PRPSAP2: variants seen among roughly 807,000 people sequenced by gnomAD.
PRPSAP2 encodes the protein phosphoribosyl pyrophosphate synthase-associated protein 2.
Under a neutral mutation model 40.6 loss-of-function variants are expected in PRPSAP2, and 24 were observed. That is an observed-to-expected ratio of 0.59 (90% CI 0.43 to 0.83). The LOEUF (loss-of-function observed/expected upper bound fraction) is 0.83. Among genes scored for constraint, PRPSAP2 ranks in the 40% least tolerant of loss-of-function variants. The probability of loss-of-function intolerance (pLI) is 0.00; values close to 1 mark genes in which losing one functional copy is unlikely to be tolerated. For missense variants in PRPSAP2, 292 were observed against 465.6 expected, an observed-to-expected ratio of 0.63 and a Z score of 3.43; for synonymous variants, 149 against 164.7, an observed-to-expected ratio of 0.90 and a Z score of 0.73.
chr17:18,885,815 G>A (rs945525307), intron 7 of PRPSAP2, among the ~76,000 whole-genome samples: 2 of 152,128 alleles, frequency 1.3e-5, no homozygotes, highest in African/African-American at 4.8e-5. Context: ...TCGAACTCCT[G>A]ACCTCAGGTG....
intron 9 of PRPSAP2, among the ~76,000 whole-genome samples, chr17:18,919,313 A>C (rs7215146): frequency 0.89 from 135,416 of 152,170 alleles, 60,784 homozygotes; most frequent in Non-Finnish European, 0.94. Context: ...TCAAGATCAA[A>C]CTGACCAAGA....
chr17:18,910,022 A>G (rs943359431), intron 8 of PRPSAP2, among the ~76,000 whole-genome samples: 2 of 152,222 alleles, frequency 1.3e-5, no homozygotes, highest in African/African-American at 4.8e-5. Context: ...AAATGGATAC[A>G]CTGTGATATA....
intron 8 of PRPSAP2, among the ~76,000 whole-genome samples, chr17:18,892,069 C>T (rs1293293700): frequency 6.6e-6 from 1 of 152,170 alleles, no homozygotes; most frequent in African/African-American, 2.4e-5. Flanking sequence ...GTTGGTCAGG[C>T]TGGTCTTAAA....
intron 8 of PRPSAP2, among the ~76,000 whole-genome samples, chr17:18,897,303 C>T (rs950993925): frequency 3.3e-4 from 50 of 152,118 alleles, no homozygotes; most frequent in African/African-American, 1.0e-3. Flanking sequence ...CTTAAACACT[C>T]CTCAGATTGT....
chr17:18,893,471 T>C (rs914859221), intron 8 of PRPSAP2, among the ~76,000 whole-genome samples: 2 of 152,064 alleles, frequency 1.3e-5, no homozygotes, highest in African/African-American at 4.8e-5. Context: ...TAAGAATCCA[T>C]TGGCCAGGTG....
At position 18,865,853 on chromosome 17, in the gene PRPSAP2, C is replaced by T. The variant is rs1307777855; in HGVS notation, c.20C>T (p.Pro7Leu). Reference protein sequence around the residue: MFCVTPPELETKMNITK... With the variant: MFCVTPLELETKMNITK... ...GTTTTGATGTTTTGTGTGACGCCAC[C>T]TGAATTAGAAACCAAGATGAACATA... Residue 7 changes from proline (P) to leucine (L), a missense_variant, in exon 3 of 12, where the codon CCT becomes CTT. Physicochemically the swap from Pro to Leu is moderately conservative, Grantham distance 98. Around this residue, in one of 2 missense-constraint regions of PRPSAP2, gnomAD observed 51 missense variants for 40.0 expected, o/e 1.28. Coordinates refer to ENST00000268835, the MANE Select transcript of PRPSAP2 (RefSeq NM_002767.4). 4.0e-6 allele frequency: 6 copies of T among 1,514,616 alleles called. No individual in the cohort carries two copies. The highest frequency in any genetic ancestry group is 1.4e-5 in the South Asian group (1 of 73,712). 93.8% of individuals were successfully genotyped at this position (1,514,616 alleles called of 1,614,324 possible).
At chr17:18,867,190 T>G in intron 3 of PRPSAP2, 92 bp from the exon 4 acceptor site, 2 of 1,231,504 alleles carry the variant, frequency 1.6e-6, no homozygotes, top group Non-Finnish European at 2.3e-6. Context: ...TATTTTATTT[T>G]ACTCTTATCG....
chr17:18,860,222 G>T (rs2036902137), intron 1 of PRPSAP2, among the ~76,000 whole-genome samples: 1 of 151,882 alleles, frequency 6.6e-6, no homozygotes, highest in South Asian at 2.1e-4. Context: ...ACCACACCTG[G>T]CTCATTTTTG....
At chr17:18,861,883 T>TTTTATTTG (rs1555546216) in intron 1 of PRPSAP2, among the ~76,000 whole-genome samples, 2 of 150,858 alleles carry the variant, frequency 1.3e-5, no homozygotes, top group Admixed American at 1.3e-4. Flanking sequence ...CAGCATGTTC[T>TTTTATTTG]TTTGTTTGTT....
chr17:18,925,233 T>C (rs1170560258), intron 10 of PRPSAP2, among the ~76,000 whole-genome samples: 1 of 152,204 alleles, frequency 6.6e-6, no homozygotes, highest in Non-Finnish European at 1.5e-5. Context: ...CCTGTATATT[T>C]TAAAGAATAG....
At chr17:18,873,237 A>T (rs576637840) in intron 5 of PRPSAP2, among the ~76,000 whole-genome samples, 15 of 126,756 alleles carry the variant, frequency 1.2e-4, no homozygotes, top group Non-Finnish European at 2.2e-4. Flanking sequence ...CTTGTTGCCC[A>T]GGCTGGAGTG....
intron 8 of PRPSAP2, among the ~76,000 whole-genome samples, chr17:18,899,330 C>T (rs1373595699): frequency 2.6e-5 from 4 of 151,998 alleles, no homozygotes; most frequent in African/African-American, 9.7e-5. Context: ...AAGTGATTCT[C>T]CCATCTTAGC....
At position 18,891,376 on chromosome 17, in the gene PRPSAP2, C is replaced by G. The variant is rs1338606995; in HGVS notation, c.584+1499C>G. 4.6e-5 allele frequency among the ~76,000 whole-genome samples: 7 copies of G among 152,246 alleles called. No individual in the cohort carries two copies. In the East Asian group the frequency reaches 1.4e-3, roughly 29 times the overall value. ...GGCTGTGTTCTTGTGGCTGACTTTC[C>G]CAACCCAGCCGGGCCTGTGTTCACC... On this transcript the variant is annotated intron_variant, in intron 8 of 11. Coordinates refer to ENST00000268835, the MANE Select transcript of PRPSAP2 (RefSeq NM_002767.4).
At chr17:18,909,292 A>T (rs2151950461) in intron 8 of PRPSAP2, among the ~76,000 whole-genome samples, 1 of 135,056 alleles carries the variant, frequency 7.4e-6, no homozygotes, top group South Asian at 2.3e-4. Context: ...CCCAGGCTGG[A>T]GTGCATTGGC....
At chr17:18,887,010 C>T (rs1352782606) in intron 7 of PRPSAP2, among the ~76,000 whole-genome samples, 7 of 138,598 alleles carry the variant, frequency 5.1e-5, no homozygotes, top group Non-Finnish European at 1.1e-4. Context: ...AATCTCAGCT[C>T]ATCACAACCT....
At chr17:18,920,613 A>G (rs1247700187) in intron 9 of PRPSAP2, among the ~76,000 whole-genome samples, 2 of 152,214 alleles carry the variant, frequency 1.3e-5, no homozygotes, top group African/African-American at 4.8e-5. Context: ...AAAAGAAAGC[A>G]TTCTTCCTGT....
chr17:18,926,704 C>T (rs2041995869), intron 10 of PRPSAP2, among the ~76,000 whole-genome samples: 1 of 152,140 alleles, frequency 6.6e-6, no homozygotes, highest in Non-Finnish European at 1.5e-5. Context: ...TACAATAACA[C>T]AGACTGAAAA....
intron 8 of PRPSAP2, among the ~76,000 whole-genome samples, chr17:18,902,970 T>C (rs531040458): frequency 1.3e-5 from 2 of 151,784 alleles, no homozygotes; most frequent in Admixed American, 6.6e-5. Context: ...ATCGTGGATG[T>C]GGTGGTGACC....
At chr17:18,860,276 G>T (rs1340957618) in intron 1 of PRPSAP2, among the ~76,000 whole-genome samples, 1 of 150,222 alleles carries the variant, frequency 6.7e-6, no homozygotes, top group East Asian at 2.0e-4. Flanking sequence ...GGCTGGTCTC[G>T]AACTCCTGAC....
Sources: gnomAD v4.1 joint callset for allele counts (sites outside exome capture counted in the v4.1 genomes callset) on GRCh38, gnomAD v4.1.1 for gene constraint, gnomAD v4.1.1 regional missense constraint, MANE v1.5 for transcripts, NCBI Gene and HGNC (gene_info 2026-07-23, HGNC 2026-07-21) for gene names.